The following PRKN variants were observed in gnomAD, a reference collection of about 807,000 sequenced individuals.
The protein encoded by PRKN is parkin RBR E3 ubiquitin protein ligase.
PRKN carries 56 observed loss-of-function variants against 59.5 expected under a neutral mutation model. The ratio of observed to expected loss-of-function variants is 0.94; its 90% confidence interval spans 0.76 to 1.18. The LOEUF (loss-of-function observed/expected upper bound fraction) is 1.18. Among genes scored for constraint, PRKN ranks in the 50% most tolerant of loss-of-function variants. The pLI is 0.00. For synonymous variants in PRKN, 250 were observed against 222.1 expected (o/e 1.13, Z -1.12); for missense variants, 657 against 596.4 (o/e 1.10, Z -1.06).
intron 1 of PRKN, among the ~76,000 whole-genome samples, chr6:162,462,228 A>C (rs1791212069): frequency 6.6e-6 from 1 of 152,232 alleles, no homozygotes; most frequent in Non-Finnish European, 1.5e-5. Flanking sequence ...TATCCTGGCT[A>C]TCACAAAATT....
intron 7 of PRKN, among the ~76,000 whole-genome samples, chr6:161,673,158 G>A (rs1322280242): frequency 2.6e-5 from 4 of 152,132 alleles, no homozygotes; most frequent in African/African-American, 7.2e-5. Flanking sequence ...GTGAATCGTA[G>A]GGAGATGGTC....
intron 2 of PRKN, among the ~76,000 whole-genome samples, chr6:162,441,490 C>T (rs1441430092): frequency 6.6e-6 from 1 of 152,136 alleles, no homozygotes; most frequent in Non-Finnish European, 1.5e-5. Flanking sequence ...GTTTTCTCCA[C>T]CTTTAAAACT....
At chr6:162,593,896 G>A (rs1041162073) in intron 1 of PRKN, among the ~76,000 whole-genome samples, 2 of 152,106 alleles carry the variant, frequency 1.3e-5, no homozygotes, top group South Asian at 4.1e-4. Flanking sequence ...CTCACGCCTG[G>A]CCTAACACTT....
chr6:161,913,297 G>T (rs1279957970), intron 6 of PRKN, among the ~76,000 whole-genome samples: 1 of 151,550 alleles, frequency 6.6e-6, no homozygotes, highest in African/African-American at 2.4e-5. Flanking sequence ...CATATGCCAA[G>T]AGACTAACGT....
At chr6:161,830,532 G>A (rs1012989689) in intron 6 of PRKN, among the ~76,000 whole-genome samples, 9 of 152,312 alleles carry the variant, frequency 5.9e-5, no homozygotes, top group East Asian at 1.9e-4. Context: ...GATAACAGGC[G>A]TGAGCCCCCG....
Position 161,626,417 on chromosome 6 carries a change from C to T in PRKN, c.872-57001G>A, listed in dbSNP as rs888146100. The stretch of plus-strand genomic sequence containing the variant: ...TGATGCTTCAGGTCCCGTTAGTGGG[C>T]GCCAGTCCTTCCTTCAACCATTAAA... On this transcript the variant is annotated intron_variant, in intron 7 of 11. Coordinates refer to ENST00000366898, the MANE Select transcript of PRKN (RefSeq NM_004562.3). Among the ~76,000 whole-genome samples the T allele has an allele frequency of 8.5e-5, 13 of 152,274 alleles. No individual in the cohort carries two copies. In the East Asian group the frequency reaches 1.9e-3, roughly 23 times the overall value.
chr6:161,749,285 G>A (rs902488628), intron 7 of PRKN, among the ~76,000 whole-genome samples: 8 of 152,178 alleles, frequency 5.3e-5, no homozygotes, highest in African/African-American at 1.4e-4. Flanking sequence ...ACAGAGCAAC[G>A]AGCAAAGTGC....
At chr6:162,380,234 T>C (rs192768589) in intron 2 of PRKN, among the ~76,000 whole-genome samples, 1 of 151,926 alleles carries the variant, frequency 6.6e-6, no homozygotes, top group East Asian at 1.9e-4. Flanking sequence ...TGAAATCAAG[T>C]ATAGTGATAG....
chr6:162,185,533 C>G, intron 4 of PRKN, among the ~76,000 whole-genome samples: 1 of 152,178 alleles, frequency 6.6e-6, no homozygotes, highest in East Asian at 1.9e-4. Flanking sequence ...CCGGTGTTAT[C>G]TGCGTCCTTC....
intron 9 of PRKN, among the ~76,000 whole-genome samples, chr6:161,434,797 G>T (rs1231512861): frequency 6.6e-6 from 1 of 152,104 alleles, no homozygotes; most frequent in Non-Finnish European, 1.5e-5. Context: ...AAATTGGGGG[G>T]CATGCTGAAG....
chr6:161,477,510 CAAAAAAA>C (rs55713712), intron 9 of PRKN, among the ~76,000 whole-genome samples: 4 of 124,334 alleles, frequency 3.2e-5, no homozygotes, highest in Non-Finnish European at 6.6e-5. Context: ...AACTCCATCT[CAAAAAAA>C]AAAAAAAAAA....
Position 162,663,875 on chromosome 6 carries a change from C to CT in PRKN, c.7+63786dup, listed in dbSNP as rs965429299. On this transcript the variant is annotated intron_variant, in intron 1 of 11. Coordinates refer to ENST00000366898, the MANE Select transcript of PRKN (RefSeq NM_004562.3). ...GCTATACTGGTGAAGCCCCACAATA[C>CT]TTTTTTTTTCATTTTATTTTTTGAA... Among the ~76,000 whole-genome samples, 38 of 150,708 alleles carry CT rather than the reference C, an allele frequency of 2.5e-4. 1 individual carries two copies. The highest frequency in any genetic ancestry group is 1.9e-3 in the Admixed American group (29 of 15,084).
At chr6:162,408,617 C>T (rs1054959890) in intron 2 of PRKN, among the ~76,000 whole-genome samples, 1 of 152,112 alleles carries the variant, frequency 6.6e-6, no homozygotes, top group Non-Finnish European at 1.5e-5. Context: ...GAAATAAGTT[C>T]TTGTGGAAGC....
In PRKN at chr6:162,160,890, CAAAAAAAAAAAAA is replaced by C. The variant is rs56320816; in HGVS notation, c.534+40228_534+40240del. Among the ~76,000 whole-genome samples the C allele has an allele frequency of 1.1e-4, 9 of 80,276 alleles. No individual in the cohort carries two copies. In the South Asian group the frequency reaches 3.0e-3, roughly 27 times the overall value. 52.7% of individuals were successfully genotyped at this position (80,276 alleles called of 152,430 possible). On this transcript the variant is annotated intron_variant, in intron 4 of 11. Coordinates refer to ENST00000366898, the MANE Select transcript of PRKN (RefSeq NM_004562.3). ...TGGGCAACACAGAGAGACTCCGTCTCAAAAAAAAAAAAAAAAAAAAAAAAAAAGAAAAAGAGGG... is the reference window on the plus strand; with the variant it reads ...TGGGCAACACAGAGAGACTCCGTCTCAAAAAAAAAAAAAAGAAAAAGAGGG...
chr6:162,442,104 T>C (rs1361240966), intron 2 of PRKN, among the ~76,000 whole-genome samples: 7 of 151,954 alleles, frequency 4.6e-5, no homozygotes, highest in Non-Finnish European at 8.8e-5. Context: ...GCACAACGAG[T>C]ATGTGCCTCA....
At chr6:162,035,279 G>A (rs1437798610) in intron 5 of PRKN, among the ~76,000 whole-genome samples, 1 of 152,142 alleles carries the variant, frequency 6.6e-6, no homozygotes, top group East Asian at 1.9e-4. Context: ...TTCACAAAGG[G>A]TCTGTCCCCA....
chr6:161,876,607 C>T (rs944848730), intron 6 of PRKN, among the ~76,000 whole-genome samples: 1 of 152,122 alleles, frequency 6.6e-6, no homozygotes, highest in Admixed American at 6.5e-5. Flanking sequence ...GCCACCATGC[C>T]CGGCTTTATT....
chr6:162,568,476 G>A (rs1010554944), intron 1 of PRKN: 10 of 647,632 alleles, frequency 1.5e-5, no homozygotes, highest in African/African-American at 3.6e-5. Flanking sequence ...TGGTGGGGCC[G>A]GCGGCATGGG....
intron 1 of PRKN, among the ~76,000 whole-genome samples, chr6:162,539,941 G>A (rs887565624): frequency 3.9e-5 from 6 of 152,000 alleles, no homozygotes; most frequent in African/African-American, 1.4e-4. Context: ...GTTTTGTTTT[G>A]AGATGGAGTC....
Sources: gnomAD v4.1 joint callset for allele counts (sites outside exome capture counted in the v4.1 genomes callset) on GRCh38, gnomAD v4.1.1 for gene constraint, MANE v1.5 for transcripts, NCBI Gene and HGNC (gene_info 2026-07-23, HGNC 2026-07-21) for gene names.